The following NTNG2 variants were observed in gnomAD, a reference collection of about 807,000 sequenced individuals.
The protein encoded by NTNG2 is netrin G2.
A neutral mutation model predicts 47.6 loss-of-function variants in NTNG2; 15 were observed. The observed-to-expected ratio is 0.32, with a 90% CI of 0.21 to 0.49. NTNG2 has a LOEUF of 0.49. NTNG2 is among the 20% of genes least tolerant of loss of function. The pLI, the probability that NTNG2 is intolerant of heterozygous loss-of-function variation, is 0.99. For synonymous variants in NTNG2, 307 were observed against 324.6 expected, an observed-to-expected ratio of 0.95 and a Z score of 0.58; for missense variants, 578 against 764.6, an observed-to-expected ratio of 0.76 and a Z score of 2.88.
chr9:132,230,664 AG>A (rs1348153183), intron 5 of NTNG2, 69 bp downstream of exon 5: 3 of 1,548,498 alleles, frequency 1.9e-6, no homozygotes, highest in Non-Finnish European at 2.6e-6. Flanking sequence ...TCCTGGAAAA[AG>A]CTGGAGAGAA....
chr9:132,220,621 T>A (rs1290351561), intron 3 of NTNG2, among the ~76,000 whole-genome samples: 1 of 152,052 alleles, frequency 6.6e-6, no homozygotes, highest in African/African-American at 2.4e-5. Flanking sequence ...ACCTGGCTAA[T>A]TTTTGTGATT....
At chr9:132,216,928 G>T (rs907378211) in intron 3 of NTNG2, among the ~76,000 whole-genome samples, 2 of 152,210 alleles carry the variant, frequency 1.3e-5, no homozygotes, top group African/African-American at 2.4e-5. Flanking sequence ...GGTAAGCAGG[G>T]CCATGGGCAG....
At chr9:132,222,698 C>G (rs1193097160) in intron 3 of NTNG2, among the ~76,000 whole-genome samples, 2 of 152,158 alleles carry the variant, frequency 1.3e-5, no homozygotes, top group African/African-American at 4.8e-5. Flanking sequence ...CTCCCACGGC[C>G]CACCCAGGAC....
At chr9:132,196,685 A>G (rs1838336500) in intron 2 of NTNG2, among the ~76,000 whole-genome samples, 1 of 152,130 alleles carries the variant, frequency 6.6e-6, no homozygotes, top group South Asian at 2.1e-4. Context: ...CACCAAATGT[A>G]TGGGTTTTCC....
chr9:132,230,212 G>A (rs1388002410), intron 4 of NTNG2, among the ~76,000 whole-genome samples: 1 of 152,170 alleles, frequency 6.6e-6, no homozygotes, highest in Non-Finnish European at 1.5e-5. Flanking sequence ...GCACTGGAGG[G>A]CCCAAAAATC....
At position 132,241,044 on chromosome 9, in the gene NTNG2, C is replaced by T. The variant is rs769881263; in HGVS notation, c.1357C>T (p.Pro453Ser). The stretch of plus-strand genomic sequence containing the variant: ...GCACTACTGGCGCCAGGGCTGCTAC[C>T]GTGAGTGCGCGCCGTCCCCCGTGGG... The part of the protein sequence containing the change: ...PTHYWRQGCY[P>S]NVCDDDQLLC... Residue 453 changes from proline to serine, a missense_variant and splice_region_variant, in exon 7 of 8, where the codon CCC becomes TCC. Physicochemically the swap from Pro to Ser is moderately conservative, Grantham distance 74. Coordinates refer to ENST00000393229, the MANE Select transcript of NTNG2 (RefSeq NM_032536.4). 2.5e-6 allele frequency: 4 copies of T among 1,595,498 alleles called. No individual in the cohort carries two copies. The African/African-American group carries it at 5.4e-5, about 21-fold the overall frequency.
At position 132,215,820 on chromosome 9, in the gene NTNG2, T is replaced by TTGGCACC. The variant is rs1220433537; in HGVS notation, c.858-11025_858-11019dup. Among the ~76,000 whole-genome samples the TTGGCACC allele has an allele frequency of 3.3e-5, 5 of 152,128 alleles. No homozygotes were observed. Among genetic ancestry groups the TTGGCACC allele is most frequent in the Admixed American group, 2.6e-4 (4 of 15,278 alleles). ...TCAGGGCTGCCAGGTAAGGCCGATC[T>TTGGCACC]TGGCACCTGGGAGCCCATGTACTCT... On this transcript the variant is annotated intron_variant, in intron 3 of 7. Coordinates refer to ENST00000393229, the MANE Select transcript of NTNG2 (RefSeq NM_032536.4). The surrounding 1 kb of genome is among the most constrained non-coding windows in gnomAD (Gnocchi z 4.2).
chr9:132,182,999 G>A lies in NTNG2; in HGVS notation c.214-14967G>A, dbSNP rs7856706. ...TGCACAGCCAAGTTTGAGAAGCACC[G>A]ATTGAAACCTCTCCCAGGCCTGCCC... On this transcript the variant is annotated intron_variant, in intron 2 of 7. Coordinates refer to ENST00000393229, the MANE Select transcript of NTNG2 (RefSeq NM_032536.4). The surrounding 1 kb of genome is among the most constrained non-coding windows in gnomAD (Gnocchi z 4.2). Among the ~76,000 whole-genome samples the A allele has an allele frequency of 0.027, 4,084 of 152,302 alleles. 167 individuals are homozygous for A. Among genetic ancestry groups the A allele is most frequent in the African/African-American group, 0.092 (3,825 of 41,556 alleles).
chr9:132,182,897 GC>G lies in NTNG2; in HGVS notation c.214-15063del. ...TTTTCATTCCCCCCCTGCCGCAGCTGCCCCCCAGACCAGCTTCAGCAGCCTC... is the reference window on the plus strand; with the variant it reads ...TTTTCATTCCCCCCCTGCCGCAGCTGCCCCCAGACCAGCTTCAGCAGCCTC... On this transcript the variant is annotated intron_variant, in intron 2 of 7. Transcript: ENST00000393229. This position sits in a 1 kb window ranked among gnomAD's most constrained non-coding sequence, Gnocchi z 4.2. Among the ~76,000 whole-genome samples the G allele has an allele frequency of 6.6e-6, 1 of 152,094 alleles. No individual in the cohort carries two copies. Among genetic ancestry groups the G allele is most frequent in the East Asian group, 1.9e-4 (1 of 5,140 alleles).
chr9:132,231,244 G>A lies in NTNG2; in HGVS notation c.1054+649G>A, dbSNP rs1267673726. 3.8e-5 allele frequency: 17 copies of A among 453,026 alleles called. No individual in the cohort carries two copies. The highest frequency in any genetic ancestry group is 5.3e-5 in the Non-Finnish European group (12 of 225,368). The allele number at this position is 453,026 out of a possible 1,614,324, so 28.1% of individuals were successfully genotyped here. ...CCACAGGTTATCAGTAAATGTCATC[G>A]AGACTGTCCCCAGACACTCACAGGG... On this transcript the variant is annotated intron_variant, in intron 5 of 7. Coordinates refer to ENST00000393229, the MANE Select transcript of NTNG2 (RefSeq NM_032536.4). This position sits in a 1 kb window ranked among gnomAD's most constrained non-coding sequence, Gnocchi z 4.1.
In NTNG2 at chr9:132,206,201, G is replaced by C. The variant is rs895137778; in HGVS notation, c.857+7592G>C. On this transcript the variant is annotated intron_variant, in intron 3 of 7. Coordinates refer to ENST00000393229, the MANE Select transcript of NTNG2 (RefSeq NM_032536.4). ...CCTATGGGCTCTTAGGAGCGCAAAG[G>C]GTGGGTTTCAATCATCCATGGACTC... Among the ~76,000 whole-genome samples, 5 of 152,278 alleles carry C rather than the reference G, an allele frequency of 3.3e-5. No homozygotes were observed. In the South Asian group the frequency reaches 6.2e-4, roughly 19 times the overall value.
chr9:132,220,333 AT>A (rs1261963535), intron 3 of NTNG2, among the ~76,000 whole-genome samples: 1 of 152,022 alleles, frequency 6.6e-6, no homozygotes, highest in African/African-American at 2.4e-5. Context: ...AAGTACAAAA[AT>A]ATTTAGTTTT....
chr9:132,205,148 G>A (rs945444572), intron 3 of NTNG2, among the ~76,000 whole-genome samples: 66 of 152,206 alleles, frequency 4.3e-4, no homozygotes, highest in African/African-American at 1.6e-3. Flanking sequence ...GACTTGAACA[G>A]ATACTTGTAC....
intron 2 of NTNG2, among the ~76,000 whole-genome samples, chr9:132,175,728 C>T (rs921865093): frequency 3.3e-5 from 5 of 152,194 alleles, no homozygotes; most frequent in Non-Finnish European, 7.3e-5. Context: ...AGAGTGAATG[C>T]CACCGGGAGT....
intron 3 of NTNG2, among the ~76,000 whole-genome samples, chr9:132,216,422 G>C (rs1296480888): frequency 0.03 from 1,007 of 33,512 alleles, 28 homozygotes; most frequent in African/African-American, 0.11. Flanking sequence ...CTCTGTGTGT[G>C]TGTGTATGTG....
chr9:132,199,836 C>A (rs1236911513), intron 3 of NTNG2, among the ~76,000 whole-genome samples: 3 of 152,194 alleles, frequency 2.0e-5, no homozygotes, highest in Admixed American at 6.5e-5. Context: ...GCAGCTCTTT[C>A]TTGCCCAGCT....
In NTNG2 at chr9:132,238,695, G is replaced by A. The variant is rs552401811; in HGVS notation, c.1055-409G>A. Among the ~76,000 whole-genome samples, 8 of 152,340 alleles carry A rather than the reference G, an allele frequency of 5.3e-5. No homozygotes were observed. In the South Asian group the frequency reaches 8.3e-4, roughly 16 times the overall value. On this transcript the variant is annotated intron_variant, in intron 5 of 7. Transcript: ENST00000393229. ...CACGGCGAGCGCCGTGAACCCAGGC[G>A]TCGCCCTCCCCCAGTGCACAGCCAG... is the stretch of plus-strand genomic sequence containing the variant.
Position 132,182,938 on chromosome 9 carries a change from C to G in NTNG2, c.214-15028C>G, listed in dbSNP as rs1266435333. Among the ~76,000 whole-genome samples, 1 of 152,110 alleles carries G rather than the reference C, an allele frequency of 6.6e-6. No homozygotes were observed. Among genetic ancestry groups the G allele is most frequent in the Non-Finnish European group, 1.5e-5 (1 of 68,012 alleles). ...TCAGCAGCCTCTCTGGGCGGCCCAG[C>G]AGGAGGAGGCATTAAACCTCCCCAG... On this transcript the variant is annotated intron_variant, in intron 2 of 7. Coordinates refer to ENST00000393229, the MANE Select transcript of NTNG2 (RefSeq NM_032536.4). The surrounding 1 kb of genome is among the most constrained non-coding windows in gnomAD (Gnocchi z 4.2).
rs558467599 is a variant in NTNG2, at chr9:132,210,626, C to T, written c.857+12017C>T. 3.3e-5 allele frequency among the ~76,000 whole-genome samples: 5 copies of T among 152,332 alleles called. No individual in the cohort carries two copies. The East Asian group carries it at 7.7e-4, about 24-fold the overall frequency. ...CTGTGGCCATGACACCCGGCAGGCTCCTGTCCCCCCGACCCCAGCTCTGTG... is the reference window on the plus strand; with the variant it reads ...CTGTGGCCATGACACCCGGCAGGCTTCTGTCCCCCCGACCCCAGCTCTGTG... On this transcript the variant is annotated intron_variant, in intron 3 of 7. Transcript: ENST00000393229.
Sources: allele counts gnomAD v4.1 joint callset (sites outside exome capture counted in the v4.1 genomes callset), GRCh38; gene constraint gnomAD v4.1.1; non-coding constraint Gnocchi (gnomAD v3.1); transcripts MANE v1.5; gene names NCBI Gene and HGNC (gene_info 2026-07-23, HGNC 2026-07-21).